DNAJC17: variants seen among roughly 807,000 people sequenced by gnomAD.
DNAJC17 encodes DnaJ heat shock protein family (Hsp40) member C17.
In DNAJC17, 35 loss-of-function variants were observed where a neutral mutation model predicts 48.1. The observed-to-expected ratio is 0.73, with a 90% confidence interval of 0.56 to 0.96. The LOEUF is 0.96. Ranked by LOEUF, DNAJC17 falls within the 50% of genes least tolerant of loss-of-function variation. DNAJC17 has a pLI of 0.00. For missense variants in DNAJC17, 355 were observed against 377.1 expected (o/e 0.94, Z 0.48); for synonymous variants, 117 against 142.7 (o/e 0.82, Z 1.28).
Position 40,779,522 on chromosome 15 carries a change from C to A in DNAJC17, c.207+23G>T, listed in dbSNP as rs767872816. 3 of 1,613,986 alleles carry A rather than the reference C, an allele frequency of 1.9e-6. No individual in the cohort carries two copies. The Admixed American group carries it at 5.0e-5, about 27-fold the overall frequency. On this transcript the variant is annotated intron_variant, in intron 3 of 10. Transcript: ENST00000220496. The stretch of plus-strand genomic sequence containing the variant: ...TGGTCTCTAACCATGGGGGACGATT[C>A]CGATGAAGGAGGCTGTGCTTACCCT...
chr15:40,807,278 C>G, intron 1 of DNAJC17, 91 bp downstream of exon 1: 1 of 1,609,150 alleles, frequency 6.2e-7, no homozygotes, highest in Non-Finnish European at 8.5e-7. Flanking sequence ...CCGAATGAAC[C>G]TGGAGAGCGG....
intron 4 of DNAJC17, chr15:40,778,949 TA>T: frequency 2.3e-6 from 1 of 425,666 alleles, no homozygotes; most frequent in East Asian, 5.2e-5. Context: ...ACCATGTTCT[TA>T]AAAAAGGTTT....
At chr15:40,780,112 C>T (rs753894090) in intron 1 of DNAJC17, 115 bp from the exon 2 acceptor site, 24 of 1,007,210 alleles carry the variant, frequency 2.4e-5, no homozygotes, top group African/African-American at 7.9e-5. Flanking sequence ...AAGCTGCTGG[C>T]GCCCACTTCC....
chr15:40,781,694 G>A (rs1020607608), intron 1 of DNAJC17, among the ~76,000 whole-genome samples: 1 of 151,920 alleles, frequency 6.6e-6, no homozygotes, highest in African/African-American at 2.4e-5. Context: ...GGCCGAGACA[G>A]GTGGATCACG....
Position 40,776,587 on chromosome 15 carries a change from A to G in DNAJC17, c.336T>C (p.Ser112=). ...TGCTCCGGCTCTCCTCTTCCTCCTC[A>G]CTCTCCTGGGCCTGGGCCTGCCGCT... is the stretch of plus-strand genomic sequence containing the variant. The part of the protein sequence containing the change: ...ARERQAQAQE[S]EEEEESRSTR... The change falls in exon 5 of 11, where the codon AGT becomes AGC. Residue 112 remains serine, a synonymous_variant. Transcript: ENST00000220496. 6.2e-7 allele frequency: 1 copy of G among 1,610,888 alleles called. No homozygotes were observed.
chr15:40,797,952 C>G (rs1343324902), intron 1 of DNAJC17, among the ~76,000 whole-genome samples: 1 of 151,720 alleles, frequency 6.6e-6, no homozygotes, highest in Non-Finnish European at 1.5e-5. Flanking sequence ...GAACTCCTGA[C>G]TTCAGGCAAT....
At chr15:40,801,286 C>T (rs1344422563) in intron 1 of DNAJC17, among the ~76,000 whole-genome samples, 2 of 151,938 alleles carry the variant, frequency 1.3e-5, no homozygotes, top group East Asian at 3.9e-4. Flanking sequence ...TAATTGCAAA[C>T]TGAAATAAGT....
chr15:40,791,242 A>T (rs897489644), intron 1 of DNAJC17, among the ~76,000 whole-genome samples: 4 of 152,140 alleles, frequency 2.6e-5, no homozygotes, highest in African/African-American at 7.2e-5. Context: ...AAAAAATTTT[A>T]AAAAGCTGGG....
intron 1 of DNAJC17, among the ~76,000 whole-genome samples, chr15:40,781,836 C>T (rs996424769): frequency 6.6e-6 from 1 of 151,922 alleles, no homozygotes; most frequent in Non-Finnish European, 1.5e-5. Flanking sequence ...GCAGGAGAAT[C>T]GCTTGAACCT....
Position 40,766,025 on chromosome 15 carries a change from GC to G in DNAJC17, c.*1914del. ...CCCAGGGACAGGGCCCAGCATCAGAGCCCCCTGCCTGCATCCTGGGGCTCTG... is the reference window on the plus strand; with the variant it reads ...CCCAGGGACAGGGCCCAGCATCAGAGCCCCTGCCTGCATCCTGGGGCTCTG... On this transcript the variant is annotated 3_prime_UTR_variant, in exon 11 of 11. Coordinates refer to ENST00000220496, the MANE Select transcript of DNAJC17 (RefSeq NM_018163.3). 2 of 513,686 alleles carry G rather than the reference GC, an allele frequency of 3.9e-6. No individual in the cohort carries two copies. Among genetic ancestry groups the G allele is most frequent in the East Asian group, 6.9e-5 (2 of 29,112 alleles). 31.8% of individuals were successfully genotyped at this position (513,686 alleles called of 1,614,324 possible). A position where few individuals can be genotyped will look rare whatever the true frequency, so the allele number is the denominator to read the frequency against.
chr15:40,768,060 G>A lies in DNAJC17; in HGVS notation c.795C>T (p.Gly265=), dbSNP rs1889001098. The A allele has an allele frequency of 1.3e-6, 2 of 1,563,356 alleles. No individual in the cohort carries two copies. Among genetic ancestry groups the A allele is most frequent in the South Asian group, 1.2e-5 (1 of 83,158 alleles). ...VGRSHSGLSK[G]SVLSERDYES... The stretch of plus-strand genomic sequence containing the variant: ...CGTAGTCCCTCTCTGACAGCACTGA[G>A]CCCTGTCGGACAGGGCAGGGACAGG... The change falls in exon 11 of 11, where the codon GGC becomes GGT. Residue 265 remains glycine, a splice_region_variant and synonymous_variant. Coordinates refer to ENST00000220496, the MANE Select transcript of DNAJC17 (RefSeq NM_018163.3).
In DNAJC17 at chr15:40,768,073, G is replaced by C; in HGVS notation, c.793-11C>G. 1.3e-6 allele frequency: 2 copies of C among 1,538,738 alleles called. No homozygotes were observed. The highest frequency in any genetic ancestry group is 8.7e-7 in the Non-Finnish European group (1 of 1,146,168). The stretch of plus-strand genomic sequence containing the variant: ...TGACAGCACTGAGCCCTGTCGGACA[G>C]GGCAGGGACAGGGAGGGGTCAGGGA... On this transcript the variant is annotated splice_polypyrimidine_tract_variant and intron_variant, in intron 10 of 10. Coordinates refer to ENST00000220496, the MANE Select transcript of DNAJC17 (RefSeq NM_018163.3).
chr15:40,792,676 A>G (rs1889836241), intron 1 of DNAJC17: 2 of 230,284 alleles, frequency 8.7e-6, no homozygotes, highest in South Asian at 1.6e-4. Flanking sequence ...AAAATTATCC[A>G]GGCGTGGTGG....
Position 40,767,953 on chromosome 15 carries a change from C to T in DNAJC17, c.902G>A (p.Gly301Glu), listed in dbSNP as rs148819363. 4 of 1,612,920 alleles carry T rather than the reference C, an allele frequency of 2.5e-6. No individual in the cohort carries two copies. Among genetic ancestry groups the T allele is most frequent in the East Asian group, 4.5e-5 (2 of 44,876 alleles). Residue 301 changes from glycine to glutamate, a missense_variant, in exon 11 of 11, where the codon GGG becomes GAG. This residue lies in a region of DNAJC17 where 88 missense variants were observed against 67.7 expected (regional missense o/e 1.30). Coordinates refer to ENST00000220496, the MANE Select transcript of DNAJC17 (RefSeq NM_018163.3). ...IARMQQEDQE[G>E]PPT ...CTGGAGCTGGGGCTACGTAGGCGGCCCCTCCTGGTCTTCCTGCTGCATCCG... is the reference window on the plus strand; with the variant it reads ...CTGGAGCTGGGGCTACGTAGGCGGCTCCTCCTGGTCTTCCTGCTGCATCCG...
At position 40,779,171 on chromosome 15, in the gene DNAJC17, T is replaced by G. The variant is rs776225432; in HGVS notation, c.295+52A>C. 44 of 1,568,004 alleles carry G rather than the reference T, an allele frequency of 2.8e-5. No individual in the cohort carries two copies. The East Asian group carries it at 9.8e-4, about 35-fold the overall frequency. On this transcript the variant is annotated intron_variant, in intron 4 of 10. Coordinates refer to ENST00000220496, the MANE Select transcript of DNAJC17 (RefSeq NM_018163.3). Reference sequence around the variant, plus strand: ...TGAAGCTTCAGGTGAGGGAGATGAATGAAAATGACCACAGGAAACCACAGG... The same window carrying G: ...TGAAGCTTCAGGTGAGGGAGATGAAGGAAAATGACCACAGGAAACCACAGG...
intron 1 of DNAJC17, among the ~76,000 whole-genome samples, chr15:40,785,460 C>T (rs1042822913): frequency 5.9e-5 from 9 of 152,150 alleles, no homozygotes; most frequent in African/African-American, 2.2e-4. Context: ...GCTCACACAG[C>T]CTTAGGGACT....
intron 1 of DNAJC17, among the ~76,000 whole-genome samples, chr15:40,797,868 C>T (rs1889980139): frequency 6.6e-6 from 1 of 151,822 alleles, no homozygotes. Context: ...ATTACAGGCA[C>T]CCACCACCAC....
chr15:40,774,982 G>A, intron 8 of DNAJC17, 49 bp downstream of exon 8: 1 of 1,593,096 alleles, frequency 6.3e-7, no homozygotes, highest in South Asian at 1.1e-5. Context: ...GGTGTGGACT[G>A]AGACGTGGAC....
At chr15:40,789,924 A>AG (rs1596090952) in intron 1 of DNAJC17, among the ~76,000 whole-genome samples, 1 of 150,152 alleles carries the variant, frequency 6.7e-6, no homozygotes, top group Middle Eastern at 3.4e-3. Flanking sequence ...AAAAAAAAAA[A>AG]AAAAAAAGAA....
Sources: gnomAD v4.1 joint callset for allele counts (sites outside exome capture counted in the v4.1 genomes callset) on GRCh38, gnomAD v4.1.1 for gene constraint, gnomAD v4.1.1 regional missense constraint, MANE v1.5 for transcripts, NCBI Gene and HGNC (gene_info 2026-07-23, HGNC 2026-07-21) for gene names.